GRIN2A: variants seen among roughly 807,000 people sequenced by gnomAD.
The protein encoded by GRIN2A is glutamate receptor ionotropic, NMDA 2A.
In GRIN2A, 22 loss-of-function variants were observed where a neutral mutation model predicts 113.4. The observed-to-expected ratio is 0.19, with a 90% CI of 0.14 to 0.28. GRIN2A has a LOEUF of 0.28. Among genes scored for constraint, GRIN2A ranks in the 10% least tolerant of loss-of-function variants. The pLI is 1.00. For synonymous variants in GRIN2A, 827 were observed against 738.4 expected (o/e 1.12, Z -1.94); for missense variants, 1,502 against 1,887.0 (o/e 0.80, Z 3.78).
intron 2 of GRIN2A, among the ~76,000 whole-genome samples, chr16:9,958,131 T>G (rs1164853356): frequency 2.0e-5 from 3 of 152,352 alleles, no homozygotes; most frequent in Admixed American, 2.0e-4. Context: ...TGAAGATAAC[T>G]ATAACTTCTG....
chr16:10,174,924 G>A lies in GRIN2A; in HGVS notation c.414+5074C>T, dbSNP rs562045035. Among the ~76,000 whole-genome samples the A allele has an allele frequency of 4.6e-5, 7 of 152,078 alleles. No individual in the cohort carries two copies. The South Asian group carries it at 1.0e-3, about 23-fold the overall frequency. On this transcript the variant is annotated intron_variant, in intron 2 of 12. Coordinates refer to ENST00000330684, the MANE Select transcript of GRIN2A (RefSeq NM_001134407.3). ...GTACAGTCATGTGCTGCATAAGGAG[G>A]TTTAGGTCAACAATGGACCACAAGT...
At chr16:9,980,247 T>G (rs2045865028) in intron 2 of GRIN2A, among the ~76,000 whole-genome samples, 1 of 150,768 alleles carries the variant, frequency 6.6e-6, no homozygotes, top group Admixed American at 6.6e-5. Flanking sequence ...CACTCCAGCC[T>G]GGACAACAGA....
chr16:10,129,885 G>A (rs1340690274), intron 2 of GRIN2A, among the ~76,000 whole-genome samples: 5 of 152,220 alleles, frequency 3.3e-5, no homozygotes, highest in Non-Finnish European at 7.3e-5. Context: ...AGAAGATGCT[G>A]CTGTCACTGA....
At chr16:9,804,274 C>G (rs1417341665) in intron 10 of GRIN2A, among the ~76,000 whole-genome samples, 1 of 152,140 alleles carries the variant, frequency 6.6e-6, no homozygotes, top group Non-Finnish European at 1.5e-5. Flanking sequence ...TGAGCTGCGA[C>G]TGCTGGACTC....
intron 2 of GRIN2A, among the ~76,000 whole-genome samples, chr16:9,977,408 T>A (rs181348288): frequency 1.4e-4 from 22 of 152,206 alleles, no homozygotes; most frequent in African/African-American, 4.8e-4. Context: ...CATTTCCTAA[T>A]CTGTAAAACT....
chr16:10,140,412 A>G (rs758765944), intron 2 of GRIN2A, among the ~76,000 whole-genome samples: 1 of 152,286 alleles, frequency 6.6e-6, no homozygotes, highest in Middle Eastern at 3.4e-3. Flanking sequence ...GAGAGTTGAC[A>G]CATCCAGGGT....
At chr16:10,033,036 C>T (rs1012024146) in intron 2 of GRIN2A, among the ~76,000 whole-genome samples, 1 of 152,280 alleles carries the variant, frequency 6.6e-6, no homozygotes, top group South Asian at 2.1e-4. Flanking sequence ...CTGGTTTGCA[C>T]CTGTGGGCAA....
At chr16:9,964,764 G>C (rs1268816042) in intron 2 of GRIN2A, among the ~76,000 whole-genome samples, 2 of 152,042 alleles carry the variant, frequency 1.3e-5, no homozygotes, top group East Asian at 3.9e-4. Flanking sequence ...GATTAAGTTG[G>C]TCCCACCTTG....
At chr16:9,905,330 A>G (rs955923903) in intron 3 of GRIN2A, among the ~76,000 whole-genome samples, 3 of 152,186 alleles carry the variant, frequency 2.0e-5, no homozygotes, top group African/African-American at 7.2e-5. Context: ...CCATTACTCC[A>G]TTTCTACTTG....
At chr16:9,974,400 C>T (rs1041109778) in intron 2 of GRIN2A, among the ~76,000 whole-genome samples, 1 of 152,178 alleles carries the variant, frequency 6.6e-6, no homozygotes, top group African/African-American at 2.4e-5. Context: ...GTGAAAATCC[C>T]TGTCCTGTTC....
chr16:10,165,935 C>A (rs2049913093), intron 2 of GRIN2A, among the ~76,000 whole-genome samples: 1 of 152,152 alleles, frequency 6.6e-6, no homozygotes, highest in Admixed American at 6.5e-5. Context: ...CAAGGCCTGC[C>A]ATTTTCAAAA....
chr16:9,796,477 A>G (rs1471351762), intron 11 of GRIN2A, among the ~76,000 whole-genome samples: 2 of 152,210 alleles, frequency 1.3e-5, no homozygotes, highest in African/African-American at 4.8e-5. Flanking sequence ...ATAAAACTTC[A>G]AGACCTATCT....
chr16:9,769,211 G>C, intron 11 of GRIN2A, 122 bp from the exon 12 acceptor site: 1 of 777,140 alleles, frequency 1.3e-6, no homozygotes, highest in Admixed American at 1.9e-5. Flanking sequence ...ACAAGTTTCT[G>C]AGTTTGCTGG....
At chr16:10,160,790 C>T (rs962638624) in intron 2 of GRIN2A, among the ~76,000 whole-genome samples, 2 of 152,174 alleles carry the variant, frequency 1.3e-5, no homozygotes, top group Non-Finnish European at 2.9e-5. Flanking sequence ...ATTTGCTCTT[C>T]CTCCTTCTGT....
chr16:9,802,375 A>G (rs1196984494), intron 10 of GRIN2A, among the ~76,000 whole-genome samples: 3 of 152,228 alleles, frequency 2.0e-5, no homozygotes, highest in East Asian at 3.8e-4. Context: ...GAACAACATC[A>G]TGTCCTTTGC....
rs901936431 is a variant in GRIN2A, at chr16:10,047,641, G to T, written c.415-109090C>A. 3.3e-5 allele frequency among the ~76,000 whole-genome samples: 5 copies of T among 152,138 alleles called. No individual in the cohort carries two copies. In the East Asian group the frequency reaches 9.6e-4, roughly 29 times the overall value. ...TGCAAAGCCACCCTGAATCCCAATAGCCAGCACCTTCATCTTTGTAGGAGA... is the reference window on the plus strand; with the variant it reads ...TGCAAAGCCACCCTGAATCCCAATATCCAGCACCTTCATCTTTGTAGGAGA... On this transcript the variant is annotated intron_variant, in intron 2 of 12. Transcript: ENST00000330684.
intron 2 of GRIN2A, among the ~76,000 whole-genome samples, chr16:10,144,730 G>A (rs2049398146): frequency 1.3e-5 from 2 of 151,996 alleles, no homozygotes; most frequent in Non-Finnish European, 2.9e-5. Context: ...AATGGAGCCT[G>A]GCCAACATGG....
At chr16:10,010,779 C>G (rs2046490759) in intron 2 of GRIN2A, among the ~76,000 whole-genome samples, 1 of 152,140 alleles carries the variant, frequency 6.6e-6, no homozygotes, top group Non-Finnish European at 1.5e-5. Context: ...CCTTGCTCCT[C>G]CAGAATTCTT....
chr16:9,774,521 G>T (rs74008812), intron 11 of GRIN2A, among the ~76,000 whole-genome samples: 2,730 of 152,294 alleles, frequency 0.018, 65 homozygotes, highest in African/African-American at 0.062. Context: ...ATCCATTCAT[G>T]TATTTATTTT....
Sources: gnomAD v4.1 joint callset for allele counts (sites outside exome capture counted in the v4.1 genomes callset) on GRCh38, gnomAD v4.1.1 for gene constraint, MANE v1.5 for transcripts, NCBI Gene and HGNC (gene_info 2026-07-23, HGNC 2026-07-21) for gene names.